The following TNFRSF1B variants were observed in gnomAD, a reference collection of about 807,000 sequenced individuals.
TNFRSF1B encodes the protein TNF receptor superfamily member 1B.
Under a neutral mutation model 44.6 loss-of-function variants are expected in TNFRSF1B, and 19 were observed. That is an observed-to-expected ratio of 0.43 (90% CI 0.30 to 0.62). TNFRSF1B has a LOEUF of 0.62. Among genes scored for constraint, TNFRSF1B ranks in the 20% least tolerant of loss-of-function variants. The pLI, the probability that TNFRSF1B is intolerant of heterozygous loss-of-function variation, is 0.16. For synonymous variants in TNFRSF1B, 252 were observed against 261.1 expected, an observed-to-expected ratio of 0.97 and a Z score of 0.34; for missense variants, 541 against 619.9, an observed-to-expected ratio of 0.87 and a Z score of 1.35.
chr1:12,201,957 G>C lies in TNFRSF1B; in HGVS notation c.901-10G>C, dbSNP rs1230850212. 1 of 1,600,296 alleles carries C rather than the reference G, an allele frequency of 6.2e-7. No individual in the cohort carries two copies. The highest frequency in any genetic ancestry group is 1.1e-5 in the South Asian group (1 of 89,302). ...TGACTGCTCTCCCCTACCACCCCCT[G>C]CCCATCCAGCCTCACTTGCCTGCCG... On this transcript the variant is annotated splice_polypyrimidine_tract_variant and intron_variant, in intron 8 of 9. Transcript: ENST00000376259.
rs1037031222 is a variant in TNFRSF1B at position 12,174,550 on chromosome 1, C to T, written c.78+7381C>T. 6.6e-5 allele frequency among the ~76,000 whole-genome samples: 10 copies of T among 152,282 alleles called. No individual in the cohort carries two copies. The East Asian group carries it at 1.7e-3, about 26-fold the overall frequency. ...GGCGTGAGCCACTGCGCCCAGCTTCCATTTCTTCTTTGAAAAGTAGGAGGG... is the reference window on the plus strand; with the variant it reads ...GGCGTGAGCCACTGCGCCCAGCTTCTATTTCTTCTTTGAAAAGTAGGAGGG... On this transcript the variant is annotated intron_variant, in intron 1 of 9. Transcript: ENST00000376259.
At position 12,191,865 on chromosome 1, in the gene TNFRSF1B, G is replaced by C; in HGVS notation, c.399G>C (p.Gly133=). ...GWYCALSKQE[G]CRLCAPLRKC... Reference sequence around the variant, plus strand: ...ACTGCGCGCTGAGCAAGCAGGAGGGGTGCCGGCTGTGCGCGCCGCTGCGCA... The same window carrying C: ...ACTGCGCGCTGAGCAAGCAGGAGGGCTGCCGGCTGTGCGCGCCGCTGCGCA... Residue 133 remains glycine, a synonymous_variant, in exon 4 of 10, where the codon GGG becomes GGC. Transcript: ENST00000376259. 1 of 1,611,908 alleles carries C rather than the reference G, an allele frequency of 6.2e-7. No homozygotes were observed. Among genetic ancestry groups the C allele is most frequent in the Non-Finnish European group, 8.5e-7 (1 of 1,179,592 alleles).
At position 12,169,505 on chromosome 1, in the gene TNFRSF1B, T is replaced by C. The variant is rs1638474044; in HGVS notation, c.78+2336T>C. Among the ~76,000 whole-genome samples the C allele has an allele frequency of 6.6e-6, 1 of 152,172 alleles. No individual in the cohort carries two copies. The highest frequency in any genetic ancestry group is 2.4e-5 in the African/African-American group (1 of 41,428). ...GGGATTTGAATGCAGGTCTGCCTGA[T>C]TCCCAAGCTCCTTTCACTGCACCCT... On this transcript the variant is annotated intron_variant, in intron 1 of 9. Transcript: ENST00000376259. The surrounding 1 kb of genome is among the most constrained non-coding windows in gnomAD (Gnocchi z 4.5).
chr1:12,176,501 A>C (rs976920572), intron 1 of TNFRSF1B, among the ~76,000 whole-genome samples: 2 of 152,150 alleles, frequency 1.3e-5, no homozygotes, highest in African/African-American at 4.8e-5. Context: ...TACAGATGAA[A>C]AGACTGAGGT....
In TNFRSF1B at chr1:12,167,037, G is replaced by A. The variant is rs1638398406; in HGVS notation, c.-55G>A. ...GCGGAGCCTGGAGAGAAGGCGCTGG[G>A]CTGCGAGGGCGCGAGGGCGCGAGGG... On this transcript the variant is annotated 5_prime_UTR_variant, in exon 1 of 10. Transcript: ENST00000376259. 1.7e-6 allele frequency: 2 copies of A among 1,198,186 alleles called. No individual in the cohort carries two copies. Among genetic ancestry groups the A allele is most frequent in the African/African-American group, 1.6e-5 (1 of 62,566 alleles). The allele number at this position is 1,198,186 out of a possible 1,614,324, so 74.2% of individuals were successfully genotyped here.
chr1:12,183,720 C>G lies in TNFRSF1B; in HGVS notation c.79-5076C>G, dbSNP rs147637461. 5.9e-4 allele frequency among the ~76,000 whole-genome samples: 54 copies of G among 92,182 alleles called. 1 individual carries two copies. Among genetic ancestry groups the G allele is most frequent in the African/African-American group, 1.8e-3 (52 of 29,204 alleles). The allele number at this position is 92,182 out of a possible 152,430, so 60.5% of individuals were successfully genotyped here. A position where few individuals can be genotyped will look rare whatever the true frequency, so the allele number is the denominator to read the frequency against. On this transcript the variant is annotated intron_variant, in intron 1 of 9. Transcript: ENST00000376259. ...TCTATCTATCTATCTATTCTATCTA[C>G]CTATCTATCTATCTATCTATCTATC...
intron 9 of TNFRSF1B, among the ~76,000 whole-genome samples, chr1:12,204,208 C>T (rs1441130284): frequency 1.3e-5 from 2 of 152,118 alleles, no homozygotes; most frequent in Non-Finnish European, 2.9e-5. Context: ...CCACCCCTAA[C>T]ACCTCCCTCC....
rs1638522918 is a variant in TNFRSF1B, at chr1:12,171,494, C to T, written c.78+4325C>T. 3.9e-5 allele frequency among the ~76,000 whole-genome samples: 6 copies of T among 152,242 alleles called. No individual in the cohort carries two copies. In the South Asian group the frequency reaches 1.2e-3, roughly 31 times the overall value. Reference sequence around the variant, plus strand: ...AATCCTGCCTGTAGGTGCTCCCTGCCAGGCACTCTCACTCCCTGACCTGCT... The same window carrying T: ...AATCCTGCCTGTAGGTGCTCCCTGCTAGGCACTCTCACTCCCTGACCTGCT... On this transcript the variant is annotated intron_variant, in intron 1 of 9. Transcript: ENST00000376259. This position sits in a 1 kb window ranked among gnomAD's most constrained non-coding sequence, Gnocchi z 4.5.
At chr1:12,185,519 G>T (rs549755044) in intron 1 of TNFRSF1B, among the ~76,000 whole-genome samples, 34 of 152,258 alleles carry the variant, frequency 2.2e-4, no homozygotes, top group African/African-American at 7.9e-4. Flanking sequence ...GCAAACCGGG[G>T]AGGGGAGGGG....
chr1:12,175,033 A>T (rs568176602), intron 1 of TNFRSF1B, among the ~76,000 whole-genome samples: 23 of 152,344 alleles, frequency 1.5e-4, no homozygotes, highest in African/African-American at 5.5e-4. Flanking sequence ...TGATGTGGCC[A>T]CAGGTTCAGA....
intron 1 of TNFRSF1B, among the ~76,000 whole-genome samples, chr1:12,174,134 CTT>C (rs1638583137): frequency 1.4e-5 from 1 of 69,608 alleles, no homozygotes; most frequent in Non-Finnish European, 2.8e-5. Context: ...TCTTCTTCTT[CTT>C]CTTCTTCTTC....
At chr1:12,205,836 C>T (rs180958240) in intron 9 of TNFRSF1B, among the ~76,000 whole-genome samples, 5 of 152,090 alleles carry the variant, frequency 3.3e-5, no homozygotes, top group Admixed American at 2.0e-4. Flanking sequence ...CCATGTTGGC[C>T]AGGCTGGTCT....
chr1:12,182,738 G>A (rs1399730305), intron 1 of TNFRSF1B, among the ~76,000 whole-genome samples: 2 of 152,350 alleles, frequency 1.3e-5, no homozygotes, highest in East Asian at 3.9e-4. Context: ...CATAGTAGTT[G>A]CTTAGCAAAT....
Position 12,167,170 on chromosome 1 carries a change from G to T in TNFRSF1B, c.78+1G>T. 7.8e-7 allele frequency: 1 copy of T among 1,273,912 alleles called. No homozygotes were observed. The highest frequency in any genetic ancestry group is 2.5e-5 in the South Asian group (1 of 40,192). The allele number at this position is 1,273,912 out of a possible 1,614,324, so 78.9% of individuals were successfully genotyped here. On this transcript the variant is annotated splice_donor_variant, in intron 1 of 9. Transcript: ENST00000376259. LOFTEE classifies it high-confidence loss of function. ...TGCGGCGCACGCCTTGCCCGCCCAG[G>T]TGGGTGACTCGCGCGGCCCACGGGG... is the stretch of plus-strand genomic sequence containing the variant.
chr1:12,194,932 G>A (rs1639234284), intron 8 of TNFRSF1B, among the ~76,000 whole-genome samples: 1 of 152,250 alleles, frequency 6.6e-6, no homozygotes, highest in African/African-American at 2.4e-5. Context: ...CATGAGATGG[G>A]GGTTGTGTCT....
rs112267629 is a variant in TNFRSF1B, at chr1:12,193,833, G to T, written c.788-122G>T. On this transcript the variant is annotated intron_variant, in intron 6 of 9. Coordinates refer to ENST00000376259, the MANE Select transcript of TNFRSF1B (RefSeq NM_001066.3). Reference sequence around the variant, plus strand: ...TTGTAATTGGATTTGAGAATCTCCGGCCTAGACTCGCCCCTCATTTGCAAT... The same window carrying T: ...TTGTAATTGGATTTGAGAATCTCCGTCCTAGACTCGCCCCTCATTTGCAAT... 68 of 720,828 alleles carry T rather than the reference G, an allele frequency of 9.4e-5. 1 individual carries two copies. In the African/African-American group the frequency reaches 1.1e-3, roughly 12 times the overall value. 44.7% of individuals were successfully genotyped at this position (720,828 alleles called of 1,614,324 possible).
rs770961458 is a variant in TNFRSF1B, at chr1:12,192,413, T to A, written c.458-18T>A. ...CAGAGTGTCTGAGTGGTTGACAAGT[T>A]CGGATTGTTCCCTGAAGGAACTGAA... On this transcript the variant is annotated intron_variant, in intron 4 of 9. Transcript: ENST00000376259. 8.1e-6 allele frequency: 13 copies of A among 1,613,626 alleles called. No homozygotes were observed. The highest frequency in any genetic ancestry group is 1.1e-5 in the Non-Finnish European group (13 of 1,179,684).
intron 1 of TNFRSF1B, among the ~76,000 whole-genome samples, chr1:12,183,656 TTATCTATC>T (rs76161807): frequency 0.044 from 5,466 of 125,080 alleles, 230 homozygotes; most frequent in Admixed American, 0.073. Context: ...TTTATCTATT[TTATCTATC>T]TATCTATCTA....
chr1:12,176,957 C>G (rs1638672517), intron 1 of TNFRSF1B, among the ~76,000 whole-genome samples: 1 of 151,450 alleles, frequency 6.6e-6, no homozygotes, highest in Non-Finnish European at 1.5e-5. Context: ...CCTCTCTGGC[C>G]TTAGCTCTGC....
Sources: gnomAD v4.1 joint callset for allele counts (sites outside exome capture counted in the v4.1 genomes callset) on GRCh38, gnomAD v4.1.1 for gene constraint, Gnocchi (gnomAD v3.1) non-coding constraint, MANE v1.5 for transcripts, NCBI Gene and HGNC (gene_info 2026-07-23, HGNC 2026-07-21) for gene names.